KIAA1210: variants seen among roughly 807,000 people sequenced by gnomAD.
The protein encoded by KIAA1210 is KIAA1210.
In KIAA1210, 48 loss-of-function variants were observed where a neutral mutation model predicts 78.9. The ratio of observed to expected loss-of-function variants is 0.61; its 90% CI spans 0.48 to 0.77. The LOEUF is 0.77. KIAA1210 is among the 30% of genes least tolerant of loss of function. The pLI, the probability that KIAA1210 is intolerant of heterozygous loss-of-function variation, is 0.00. For synonymous variants in KIAA1210, 406 were observed against 404.5 expected (o/e 1.00, Z -0.04); for missense variants, 1,108 against 1,100.0 (o/e 1.01, Z -0.10).
chrX:119,129,852 TC>T (rs1219256779), upstream of KIAA1210, among the ~76,000 whole-genome samples: 1 of 111,731 alleles, frequency 9.0e-6, no homozygotes, highest in Non-Finnish European at 1.9e-5. Context: ...CTGTCCTTTT[TC>T]CCCCACAAGC....
chrX:119,106,991 C>T lies in KIAA1210; in HGVS notation c.492+1346G>A, dbSNP rs186861542. 2.7e-5 allele frequency among the ~76,000 whole-genome samples: 3 copies of T among 112,616 alleles called. No individual in the cohort carries two copies. In the East Asian group the frequency reaches 8.4e-4, roughly 31 times the overall value. ...TTATGTAGCACTGGGTGTCAGGACC[C>T]TTGACTTAATGCTATCAACCATCCT... is the stretch of plus-strand genomic sequence containing the variant. On this transcript the variant is annotated intron_variant, in intron 5 of 11. Coordinates refer to ENST00000691062, the MANE Select transcript of KIAA1210 (RefSeq NM_001394962.1).
At chrX:119,111,766 A>T (rs1603268613) in intron 3 of KIAA1210, among the ~76,000 whole-genome samples, 1 of 111,786 alleles carries the variant, frequency 8.9e-6, no homozygotes, top group Non-Finnish European at 1.9e-5. Flanking sequence ...TTAAAAATTA[A>T]CTCAAAATGG....
Position 119,113,570 on chromosome X carries a change from G to A in KIAA1210, c.230+2926C>T, listed in dbSNP as rs113251918. On this transcript the variant is annotated intron_variant, in intron 3 of 11. Coordinates refer to ENST00000691062, the MANE Select transcript of KIAA1210 (RefSeq NM_001394962.1). ...GAATGGAGAATGACTGCTACTGGGC[G>A]CAGGGTTTCTTTTTAGGGTGACAAA... Among the ~76,000 whole-genome samples, 113 of 111,674 alleles carry A rather than the reference G, an allele frequency of 1.0e-3. No individual in the cohort carries two copies. In the South Asian group the frequency reaches 0.01, roughly 10 times the overall value.
rs1213299504 is a variant in KIAA1210 at position 119,081,034 on chromosome X, C to T, written c.*295G>A. The T allele has an allele frequency of 3.1e-5, 5 of 160,785 alleles. No individual in the cohort carries two copies. Among genetic ancestry groups the T allele is most frequent in the Non-Finnish European group, 4.6e-5 (4 of 86,140 alleles). 13.3% of individuals were successfully genotyped at this position (160,785 alleles called of 1,213,427 possible). ...AATCCCAGCTTTTGGGAGGCTGAGGCGGGCGGATCACGAGGTCAGGAGATC... is the reference window on the plus strand; with the variant it reads ...AATCCCAGCTTTTGGGAGGCTGAGGTGGGCGGATCACGAGGTCAGGAGATC... On this transcript the variant is annotated 3_prime_UTR_variant, in exon 12 of 12. Transcript: ENST00000691062.
Position 119,089,324 on chromosome X carries a change from G to A in KIAA1210, c.1378C>T (p.Pro460Ser). Residue 460 changes from proline to serine, a missense_variant, in exon 9 of 12, where the codon CCC becomes TCC. Pro to Ser is a moderately conservative substitution (Grantham distance 74). This residue lies in a region of KIAA1210 where 672 missense variants were observed against 607.1 expected (regional missense o/e 1.11). Transcript: ENST00000691062. ...FGSRKASAAQ[P>S]IPENMDNSMV... ...GAATTGTCCATGTTTTCAGGTATGG[G>A]CTGTGCTGCTGATGCTTTTCTGGAT... The A allele has an allele frequency of 4.1e-6, 5 of 1,211,392 alleles. No individual in the cohort carries two copies. Among genetic ancestry groups the A allele is most frequent in the Non-Finnish European group, 5.6e-6 (5 of 895,259 alleles).
chrX:119,112,187 T>G (rs895405644), intron 3 of KIAA1210, among the ~76,000 whole-genome samples: 1 of 111,972 alleles, frequency 8.9e-6, no homozygotes, highest in African/African-American at 3.2e-5. Flanking sequence ...GTGAGTCAAT[T>G]AAACCTCTTT....
At chrX:119,128,047 A>G (rs951251071), upstream of KIAA1210, among the ~76,000 whole-genome samples, 4 of 111,219 alleles carry the variant, frequency 3.6e-5, no homozygotes, top group Non-Finnish European at 7.5e-5. Flanking sequence ...TTTGTCTACA[A>G]TCACTTCCTA....
intron 2 of KIAA1210, among the ~76,000 whole-genome samples, chrX:119,137,756 T>G (rs1280736022): frequency 8.9e-6 from 1 of 112,375 alleles, no homozygotes; most frequent in African/African-American, 3.2e-5. Flanking sequence ...CTTCTTCCAA[T>G]GTGGCCCAGG....
intron 2 of KIAA1210, among the ~76,000 whole-genome samples, chrX:119,139,723 A>ATAAT (rs1359295570): frequency 1.8e-5 from 2 of 111,919 alleles, no homozygotes; most frequent in Non-Finnish European, 3.8e-5. Flanking sequence ...TAAAAATAAT[A>ATAAT]AATAATAAAA....
chrX:119,121,774 A>T (rs57645916), intron 2 of KIAA1210, among the ~76,000 whole-genome samples: 11,085 of 105,313 alleles, frequency 0.11, 499 homozygotes, highest in Non-Finnish European at 0.15. Context: ...TTTATTTATT[A>T]TTTTTTTTTT....
intron 2 of KIAA1210, among the ~76,000 whole-genome samples, chrX:119,133,099 C>T (rs1379382849): frequency 1.8e-5 from 2 of 111,517 alleles, no homozygotes; most frequent in African/African-American, 6.5e-5. Flanking sequence ...GACGCCAACT[C>T]ATTGAGGAAC....
upstream of KIAA1210, among the ~76,000 whole-genome samples, chrX:119,131,128 T>C: frequency 8.9e-6 from 1 of 112,046 alleles, no homozygotes; most frequent in Non-Finnish European, 1.9e-5. Flanking sequence ...GCTGGCCTCA[T>C]GTTGTTGGTT....
At chrX:119,098,461 C>T (rs142329958) in intron 6 of KIAA1210, among the ~76,000 whole-genome samples, 1,625 of 110,527 alleles carry the variant, frequency 0.015, 29 homozygotes, top group African/African-American at 0.049. Flanking sequence ...AAAACTTAGC[C>T]GGGTGTGGTG....
intron 10 of KIAA1210, among the ~76,000 whole-genome samples, chrX:119,084,885 C>T (rs768180671): frequency 8.9e-6 from 1 of 111,998 alleles, no homozygotes; most frequent in South Asian, 3.8e-4. Context: ...ACAACACCCC[C>T]GCACACACAC....
chrX:119,122,309 A>G (rs1166908833), intron 2 of KIAA1210, among the ~76,000 whole-genome samples: 1 of 109,576 alleles, frequency 9.1e-6, no homozygotes. Context: ...ACCTCAAGTG[A>G]TCCAGCCACC....
At chrX:119,112,410 G>A (rs997977023) in intron 3 of KIAA1210, among the ~76,000 whole-genome samples, 3 of 110,696 alleles carry the variant, frequency 2.7e-5, no homozygotes, top group African/African-American at 9.9e-5. Flanking sequence ...CTTACTAATA[G>A]GAATTCTTTT....
At chrX:119,149,651 A>C (rs1929246305) in intron 1 of KIAA1210, among the ~76,000 whole-genome samples, 1 of 112,309 alleles carries the variant, frequency 8.9e-6, no homozygotes, top group South Asian at 3.8e-4. Flanking sequence ...TTCCTTTTGG[A>C]ATTGCTTGCA....
At chrX:119,083,865 A>G in intron 10 of KIAA1210, among the ~76,000 whole-genome samples, 1 of 108,334 alleles carries the variant, frequency 9.2e-6, no homozygotes, top group South Asian at 4.2e-4. Context: ...GCGCACACCT[A>G]TAGTGCCTAT....
chrX:119,145,936 G>C (rs1202452577), intron 2 of KIAA1210, among the ~76,000 whole-genome samples: 5 of 111,997 alleles, frequency 4.5e-5, no homozygotes, highest in African/African-American at 1.6e-4. Context: ...GCTATCCACT[G>C]ACTATAACTA....
Sources: gnomAD v4.1 joint callset for allele counts (sites outside exome capture counted in the v4.1 genomes callset) on GRCh38, gnomAD v4.1.1 for gene constraint, gnomAD v4.1.1 regional missense constraint, MANE v1.5 for transcripts, NCBI Gene and HGNC (gene_info 2026-07-23, HGNC 2026-07-21) for gene names.